TRMT11: variants seen among roughly 807,000 people sequenced by gnomAD.
TRMT11 encodes tRNA methyltransferase 11.
In TRMT11, 53 loss-of-function variants were observed where a neutral mutation model predicts 62.8. That is an observed-to-expected ratio of 0.84 (90% CI 0.68 to 1.06). The LOEUF (loss-of-function observed/expected upper bound fraction) is 1.06, where lower values mean the gene tolerates loss of function less well. Ranked by LOEUF, TRMT11 falls within the 50% of genes least tolerant of loss-of-function variation. TRMT11 has a pLI of 0.00. For missense variants in TRMT11, 556 were observed against 553.4 expected (o/e 1.00, Z -0.05); for synonymous variants, 188 against 190.3 (o/e 0.99, Z 0.10).
chr6:126,030,316 G>C (rs1006846593), intron 12 of TRMT11, among the ~76,000 whole-genome samples: 1 of 152,080 alleles, frequency 6.6e-6, no homozygotes, highest in Non-Finnish European at 1.5e-5. Context: ...GCTGGACATG[G>C]GTAATTACCC....
chr6:126,066,368 G>A (rs1049143736), intron 17 of TRMT11, among the ~76,000 whole-genome samples: 8 of 152,164 alleles, frequency 5.3e-5, no homozygotes, highest in South Asian at 2.1e-4. Context: ...ATTCCTTACC[G>A]TTCTAGAAGC....
intron 17 of TRMT11, among the ~76,000 whole-genome samples, chr6:126,112,199 A>C (rs140771586): frequency 1.2e-3 from 187 of 152,202 alleles, no homozygotes; most frequent in African/African-American, 4.4e-3. Context: ...TGGTGCCACC[A>C]CCTGCCCATT....
intron 21 of TRMT11, among the ~76,000 whole-genome samples, chr6:126,137,023 A>C (rs764510544): frequency 5.9e-5 from 9 of 151,844 alleles, no homozygotes; most frequent in Admixed American, 5.9e-4. Flanking sequence ...GTAAAATCTG[A>C]AACTATAAAA....
At chr6:126,237,842 G>A in the TRMT11 span, among the ~76,000 whole-genome samples, 1 of 152,154 alleles carries the variant, frequency 6.6e-6, no homozygotes, top group African/African-American at 2.4e-5. Flanking sequence ...ATCTGGTCCT[G>A]GACTTTTTTT....
At chr6:126,253,922 A>G in the TRMT11 span, among the ~76,000 whole-genome samples, 2 of 152,198 alleles carry the variant, frequency 1.3e-5, no homozygotes, top group East Asian at 1.9e-4. Context: ...GCATCTTCAT[A>G]GACTGGTCAA....
At chr6:126,069,506 T>G (rs1454513433) in intron 17 of TRMT11, among the ~76,000 whole-genome samples, 2 of 152,246 alleles carry the variant, frequency 1.3e-5, no homozygotes, top group Non-Finnish European at 2.9e-5. Flanking sequence ...TGAAGTCAAC[T>G]TCTCAAACAA....
At chr6:126,069,290 C>T (rs1379055070) in intron 17 of TRMT11, among the ~76,000 whole-genome samples, 7 of 152,198 alleles carry the variant, frequency 4.6e-5, no homozygotes, top group African/African-American at 1.4e-4. Context: ...TCTTTTGGCT[C>T]TGCCATGTTG....
intron 6 of TRMT11, 137 bp downstream of exon 6, chr6:125,998,821 T>G: frequency 2.6e-6 from 2 of 768,550 alleles, no homozygotes; most frequent in Non-Finnish European, 4.0e-6. Context: ...TGGTGAAGAG[T>G]ATGTGATTAT....
At chr6:126,242,268 C>T in the TRMT11 span, among the ~76,000 whole-genome samples, 2 of 152,164 alleles carry the variant, frequency 1.3e-5, no homozygotes, top group Non-Finnish European at 2.9e-5. Context: ...CAAACCACTG[C>T]TCAACTAAAT....
chr6:125,986,734 C>T, intron 1 of TRMT11, 112 bp downstream of exon 1: 1 of 1,043,808 alleles, frequency 9.6e-7, no homozygotes, highest in Non-Finnish European at 1.4e-6. Context: ...GGGGTCTTCG[C>T]TGGTCTGCGC....
At chr6:126,086,411 A>G (rs1777217463) in intron 17 of TRMT11, among the ~76,000 whole-genome samples, 1 of 152,060 alleles carries the variant, frequency 6.6e-6, no homozygotes, top group Non-Finnish European at 1.5e-5. Flanking sequence ...CTCCATTCCC[A>G]TACCTATCCT....
In TRMT11 at chr6:126,093,585, GTATATATATATATA is replaced by G. The variant is rs56176946; in HGVS notation, c.*1438-19247_*1438-19234del. The stretch of plus-strand genomic sequence containing the variant: ...CTAGTGTAGGTAACAGGATATGTAT[GTATATATATATATA>G]TATATATATATATATATATATATAT... On this transcript the variant is annotated intron_variant and NMD_transcript_variant, in intron 17 of 22. Coordinates refer to the TRMT11 transcript ENST00000648977. Among the ~76,000 whole-genome samples, 141 of 46,684 alleles carry G rather than the reference GTATATATATATATA, an allele frequency of 3.0e-3. 5 individuals are homozygous for G. The highest frequency in any genetic ancestry group is 0.012 in the South Asian group (12 of 1,028). 30.6% of individuals were successfully genotyped at this position (46,684 alleles called of 152,430 possible).
At chr6:126,012,679 G>A (rs1018297228) in intron 9 of TRMT11, 92 bp from the exon 10 acceptor site, 3 of 832,716 alleles carry the variant, frequency 3.6e-6, no homozygotes, top group Admixed American at 4.5e-5. Context: ...GTTCTTCTCA[G>A]GGTGTCACAT....
chr6:126,199,331 A>G (rs1474087758), intron 2 of TRMT11, among the ~76,000 whole-genome samples: 1 of 152,192 alleles, frequency 6.6e-6, no homozygotes, highest in Non-Finnish European at 1.5e-5. Flanking sequence ...GAATTTAAAT[A>G]AAAGATGCTC....
intron 21 of TRMT11, among the ~76,000 whole-genome samples, chr6:126,153,114 C>T (rs770258225): frequency 1.4e-4 from 21 of 152,214 alleles, no homozygotes; most frequent in African/African-American, 2.9e-4. Flanking sequence ...AAAATCTATG[C>T]GGTTGTTCAA....
At chr6:126,133,898 A>G (rs1777819116) in intron 21 of TRMT11, among the ~76,000 whole-genome samples, 1 of 151,860 alleles carries the variant, frequency 6.6e-6, no homozygotes, top group South Asian at 2.1e-4. Context: ...TTCTCAATAA[A>G]AAAAAAATTA....
intron 21 of TRMT11, among the ~76,000 whole-genome samples, chr6:126,120,918 A>G (rs1777642879): frequency 6.6e-6 from 1 of 152,116 alleles, no homozygotes; most frequent in Non-Finnish European, 1.5e-5. Context: ...TGTTTCAGAT[A>G]TATCTGAAGA....
intron 3 of TRMT11, among the ~76,000 whole-genome samples, chr6:126,200,845 G>A (rs569243164): frequency 1.3e-5 from 2 of 152,240 alleles, no homozygotes; most frequent in East Asian, 1.9e-4. Context: ...GACCCACCGC[G>A]CCCGGCCCGA....
At chr6:126,246,238 G>C in the TRMT11 span, among the ~76,000 whole-genome samples, 1 of 152,096 alleles carries the variant, frequency 6.6e-6, no homozygotes, top group Non-Finnish European at 1.5e-5. Flanking sequence ...TGGTAAACAG[G>C]AGGCTTATGG....
Sources: gnomAD v4.1 joint callset for allele counts (sites outside exome capture counted in the v4.1 genomes callset) on GRCh38, gnomAD v4.1.1 for gene constraint, MANE v1.5 for transcripts, NCBI Gene and HGNC (gene_info 2026-07-23, HGNC 2026-07-21) for gene names.